The following TANGO6 variants were observed in gnomAD, a reference collection of about 807,000 sequenced individuals.
TANGO6 encodes transport and golgi organization 6 homolog, also known as transport and Golgi organization protein 6 homolog.
In TANGO6, 90 loss-of-function variants were observed where a neutral mutation model predicts 114.2. That is an observed-to-expected ratio of 0.79 (90% CI 0.66 to 0.94). The LOEUF (loss-of-function observed/expected upper bound fraction) is 0.94. Ranked by LOEUF, TANGO6 falls within the 40% of genes least tolerant of loss-of-function variation. The pLI is 0.00. For missense variants in TANGO6, 1,274 were observed against 1,315.3 expected (o/e 0.97, Z 0.49); for synonymous variants, 477 against 509.8 (o/e 0.94, Z 0.87).
At chr16:68,869,043 TATG>T (rs1199760964) in intron 4 of TANGO6, among the ~76,000 whole-genome samples, 1 of 152,248 alleles carries the variant, frequency 6.6e-6, no homozygotes, top group Non-Finnish European at 1.5e-5. Context: ...TATTGTATAT[TATG>T]ATTACTTTCT....
intron 16 of TANGO6, chr16:69,033,889 G>A (rs77446226): frequency 0.013 from 2,260 of 173,410 alleles, 61 homozygotes; most frequent in South Asian, 0.088. Context: ...AGTCCCTGGA[G>A]ACCTATCTCT....
At chr16:69,051,418 G>A (rs982612718) in intron 17 of TANGO6, among the ~76,000 whole-genome samples, 2 of 152,162 alleles carry the variant, frequency 1.3e-5, no homozygotes, top group African/African-American at 4.8e-5. Context: ...ACTCACACCT[G>A]TAATCCCAGC....
rs1170466269 is a variant in TANGO6 at position 68,853,234 on chromosome 16, C to T, written c.95-6650C>T. On this transcript the variant is annotated intron_variant, in intron 1 of 17. Transcript: ENST00000261778. ...CAGGGTTTGCAGTGATCTGAGATCA[C>T]ACCACTGCACTCTAGCCTGGGTGAC... Among the ~76,000 whole-genome samples, 7 of 149,666 alleles carry T rather than the reference C, an allele frequency of 4.7e-5. No homozygotes were observed. The East Asian group carries it at 1.2e-3, about 25-fold the overall frequency.
chr16:69,024,692 A>G (rs1267313183), intron 16 of TANGO6, among the ~76,000 whole-genome samples: 1 of 152,228 alleles, frequency 6.6e-6, no homozygotes, highest in Non-Finnish European at 1.5e-5. Context: ...ACAGAAAAAG[A>G]CTAGTTAACA....
chr16:68,920,957 C>CA (rs1028574162), intron 12 of TANGO6, among the ~76,000 whole-genome samples: 6 of 149,722 alleles, frequency 4.0e-5, no homozygotes, highest in Admixed American at 1.3e-4. Flanking sequence ...ACTAAAAATA[C>CA]AAAAAAAAGG....
chr16:68,909,428 G>T (rs373960039), intron 11 of TANGO6, 26 bp downstream of exon 11: 4 of 1,452,684 alleles, frequency 2.8e-6, no homozygotes, highest in African/African-American at 2.9e-5. Context: ...ATTCTGGACC[G>T]CAGCCTTTTT....
intron 11 of TANGO6, among the ~76,000 whole-genome samples, chr16:68,911,567 C>T (rs974680966): frequency 2.6e-5 from 4 of 152,084 alleles, no homozygotes; most frequent in Admixed American, 2.0e-4. Flanking sequence ...CAGGCACATG[C>T]CACCACGCCT....
At chr16:69,007,763 A>T (rs1964106653) in intron 15 of TANGO6, among the ~76,000 whole-genome samples, 1 of 152,040 alleles carries the variant, frequency 6.6e-6, no homozygotes, top group Admixed American at 6.6e-5. Context: ...TCCATTTTAC[A>T]TTTTCACCAG....
intron 16 of TANGO6, among the ~76,000 whole-genome samples, chr16:69,028,667 A>G (rs1959544480): frequency 6.6e-6 from 1 of 151,948 alleles, no homozygotes; most frequent in Non-Finnish European, 1.5e-5. Flanking sequence ...AATAAAGTGT[A>G]CAACTCAATG....
At chr16:68,928,298 A>ATT (rs10701295) in intron 13 of TANGO6, among the ~76,000 whole-genome samples, 6,445 of 98,570 alleles carry the variant, frequency 0.065, 948 homozygotes, top group African/African-American at 0.23. Context: ...CTGAGTGCCA[A>ATT]TTTTTTTTTT....
intron 14 of TANGO6, among the ~76,000 whole-genome samples, chr16:68,942,041 A>G (rs1310050029): frequency 3.9e-5 from 6 of 151,970 alleles, no homozygotes; most frequent in Admixed American, 3.9e-4. Context: ...CTTTAAAAGT[A>G]ATGTAGAGCC....
chr16:68,970,685 A>T (rs867744199), intron 14 of TANGO6, among the ~76,000 whole-genome samples: 1 of 142,470 alleles, frequency 7.0e-6, no homozygotes, highest in Non-Finnish European at 1.5e-5. Flanking sequence ...AAAAAAAAAA[A>T]GACTATGTTA....
At chr16:68,896,360 G>A (rs1006536673) in intron 7 of TANGO6, among the ~76,000 whole-genome samples, 2 of 151,910 alleles carry the variant, frequency 1.3e-5, no homozygotes, top group African/African-American at 4.8e-5. Flanking sequence ...ATCTTGTTCT[G>A]TTGCTTGGGC....
At chr16:68,918,020 G>A (rs1963032110) in intron 11 of TANGO6, among the ~76,000 whole-genome samples, 1 of 151,348 alleles carries the variant, frequency 6.6e-6, no homozygotes, top group Non-Finnish European at 1.5e-5. Context: ...CCTGGTTCAA[G>A]CGATTCTTCC....
At chr16:68,884,056 C>T (rs1157210521) in intron 7 of TANGO6, among the ~76,000 whole-genome samples, 1 of 152,022 alleles carries the variant, frequency 6.6e-6, no homozygotes, top group African/African-American at 2.4e-5. Flanking sequence ...ATTACAGGCA[C>T]CCACCACCAC....
intron 1 of TANGO6, among the ~76,000 whole-genome samples, chr16:68,849,313 G>A (rs143378613): frequency 1.6e-3 from 244 of 152,102 alleles, no homozygotes; most frequent in African/African-American, 5.6e-3. Context: ...CAGCCTGGGC[G>A]ACAAAGTGAG....
At chr16:69,061,995 T>G (rs1960125511) in intron 17 of TANGO6, among the ~76,000 whole-genome samples, 1 of 151,398 alleles carries the variant, frequency 6.6e-6, no homozygotes, top group Non-Finnish European at 1.5e-5. Context: ...ACTCCAGCCT[T>G]GGCGACAGAG....
chr16:68,942,686 C>A lies in TANGO6; in HGVS notation c.2701+12391C>A, dbSNP rs77197839. Among the ~76,000 whole-genome samples, 25 of 152,222 alleles carry A rather than the reference C, an allele frequency of 1.6e-4. No homozygotes were observed. In the East Asian group the frequency reaches 4.6e-3, roughly 28 times the overall value. ...TTTAGGCCATTAAGATAAACACTTTCATGTCAGGCCATAATGGCAGAGTTA... is the reference window on the plus strand; with the variant it reads ...TTTAGGCCATTAAGATAAACACTTTAATGTCAGGCCATAATGGCAGAGTTA... On this transcript the variant is annotated intron_variant, in intron 14 of 17. Coordinates refer to ENST00000261778, the MANE Select transcript of TANGO6 (RefSeq NM_024562.2).
chr16:68,910,457 G>A (rs1962907317), intron 11 of TANGO6, among the ~76,000 whole-genome samples: 1 of 152,138 alleles, frequency 6.6e-6, no homozygotes, highest in South Asian at 2.1e-4. Flanking sequence ...CTAGTTGGAA[G>A]GGGAAATGGT....
Sources: gnomAD v4.1 joint callset for allele counts (sites outside exome capture counted in the v4.1 genomes callset) on GRCh38, gnomAD v4.1.1 for gene constraint, MANE v1.5 for transcripts, NCBI Gene and HGNC (gene_info 2026-07-23, HGNC 2026-07-21) for gene names.